Variants in ABCB1 observed in about 807,000 individuals in gnomAD.
The protein encoded by ABCB1 is ATP binding cassette subfamily B member 1, also known as ATP-dependent translocase ABCB1.
A neutral mutation model predicts 142.0 loss-of-function variants in ABCB1; 69 were observed. The ratio of observed to expected loss-of-function variants is 0.49; its 90% confidence interval spans 0.40 to 0.59. ABCB1 has a LOEUF of 0.59. Among genes scored for constraint, ABCB1 ranks in the 20% least tolerant of loss-of-function variants. The pLI is 0.00. For missense variants in ABCB1, 1,326 were observed against 1,554.7 expected (o/e 0.85, Z 2.47); for synonymous variants, 532 against 539.2 (o/e 0.99, Z 0.18).
chr7:87,669,304 T>C (rs1333631248), intron 1 of ABCB1, among the ~76,000 whole-genome samples: 1 of 152,184 alleles, frequency 6.6e-6, no homozygotes, highest in African/African-American at 2.4e-5. Flanking sequence ...AATCCCTTCT[T>C]TTTTCTGTTT....
At chr7:87,629,481 C>T (rs1820982276) in intron 1 of ABCB1, among the ~76,000 whole-genome samples, 1 of 152,136 alleles carries the variant, frequency 6.6e-6, no homozygotes, top group Admixed American at 6.5e-5. Flanking sequence ...AGCTACAGTG[C>T]TAGTGCTGGT....
chr7:87,546,050 G>A, intron 14 of ABCB1, 26 bp from the exon 15 acceptor site: 1 of 1,611,956 alleles, frequency 6.2e-7, no homozygotes, highest in Middle Eastern at 1.7e-4. Context: ...TTTGGTTTTT[G>A]AATACATTAA....
chr7:87,560,855 A>G (rs113771822), intron 8 of ABCB1, among the ~76,000 whole-genome samples: 10 of 152,158 alleles, frequency 6.6e-5, no homozygotes, highest in African/African-American at 1.9e-4. Flanking sequence ...TTATATTTTT[A>G]TCTTCCAAAT....
At chr7:87,614,346 A>T (rs990134929) in intron 1 of ABCB1, among the ~76,000 whole-genome samples, 2 of 152,154 alleles carry the variant, frequency 1.3e-5, no homozygotes, top group African/African-American at 4.8e-5. Flanking sequence ...ACAGTGAGCA[A>T]TCATGCCACT....
intron 1 of ABCB1, among the ~76,000 whole-genome samples, chr7:87,698,261 G>A (rs1007621867): frequency 4.6e-5 from 7 of 151,886 alleles, no homozygotes; most frequent in South Asian, 4.2e-4. Flanking sequence ...CACCATGCCC[G>A]GCTAATTTCT....
chr7:87,581,986 A>C (rs1375111624), intron 4 of ABCB1, among the ~76,000 whole-genome samples: 1 of 152,182 alleles, frequency 6.6e-6, no homozygotes, highest in African/African-American at 2.4e-5. Context: ...CATCTCTGGG[A>C]CAAGCATCAA....
intron 4 of ABCB1, among the ~76,000 whole-genome samples, chr7:87,580,963 T>C (rs2129900967): frequency 6.6e-6 from 1 of 152,108 alleles, no homozygotes; most frequent in Non-Finnish European, 1.5e-5. Flanking sequence ...CCAAATAGTG[T>C]GGTCGCTCAC....
intron 6 of ABCB1, 137 bp downstream of exon 6, chr7:87,566,648 T>C: frequency 1.0e-5 from 9 of 875,786 alleles, no homozygotes; most frequent in Non-Finnish European, 1.7e-5. Flanking sequence ...ACGACATTGT[T>C]GCTGCTTAGA....
chr7:87,587,740 T>C (rs966781945), intron 3 of ABCB1, among the ~76,000 whole-genome samples: 4 of 152,066 alleles, frequency 2.6e-5, no homozygotes, highest in South Asian at 2.1e-4. Context: ...CCGGATGTGG[T>C]GGCAGGCGCC....
chr7:87,603,621 C>T (rs1819545144), upstream of ABCB1, among the ~76,000 whole-genome samples: 1 of 152,234 alleles, frequency 6.6e-6, no homozygotes, highest in African/African-American at 2.4e-5. Flanking sequence ...TCCATTTCAG[C>T]CAAACTCACT....
intron 1 of ABCB1, among the ~76,000 whole-genome samples, chr7:87,695,093 T>C (rs186316877): frequency 1.3e-5 from 2 of 152,244 alleles, no homozygotes; most frequent in East Asian, 3.9e-4. Flanking sequence ...GCAATGTAAG[T>C]ACAATTGAGT....
intron 6 of ABCB1, among the ~76,000 whole-genome samples, 190 bp from the exon 7 acceptor site, chr7:87,566,431 C>T (rs1463969340): frequency 6.6e-6 from 1 of 152,150 alleles, no homozygotes; most frequent in Middle Eastern, 3.2e-3. Context: ...GCCCACATGG[C>T]CCCAGGAAAT....
chr7:87,640,389 T>C (rs1822309836), intron 1 of ABCB1, among the ~76,000 whole-genome samples: 1 of 152,088 alleles, frequency 6.6e-6, no homozygotes, highest in African/African-American at 2.4e-5. Context: ...CTTGCTGTGT[T>C]GCCCAGGCTG....
rs142024281 is a variant in ABCB1, at chr7:87,652,888, C to T, written c.-330-51810G>A. On this transcript the variant is annotated intron_variant, in intron 1 of 28. Transcript: ENST00000265724. Reference sequence around the variant, plus strand: ...TACAAATTAAAATTTTATAACTTTGCGTGTTTCTAAGATCTACTTTTCTAC... The same window carrying T: ...TACAAATTAAAATTTTATAACTTTGTGTGTTTCTAAGATCTACTTTTCTAC... 7.0e-3 allele frequency among the ~76,000 whole-genome samples: 1,061 copies of T among 151,758 alleles called. 20 individuals carry two copies. The highest frequency in any genetic ancestry group is 0.024 in the African/African-American group (983 of 41,418).
intron 1 of ABCB1, among the ~76,000 whole-genome samples, chr7:87,699,000 T>C (rs1431231324): frequency 6.6e-6 from 1 of 152,186 alleles, no homozygotes; most frequent in Non-Finnish European, 1.5e-5. Flanking sequence ...TGCTTACATC[T>C]TCCCCTAAAG....
At chr7:87,623,781 C>T (rs1820311615) in intron 1 of ABCB1, among the ~76,000 whole-genome samples, 1 of 151,972 alleles carries the variant, frequency 6.6e-6, no homozygotes, top group East Asian at 1.9e-4. Context: ...ACTAACCTTT[C>T]CCTCCCAGTA....
intron 1 of ABCB1, chr7:87,713,108 A>G (rs1006064537): frequency 2.0e-5 from 3 of 152,204 alleles, no homozygotes; most frequent in Non-Finnish European, 4.4e-5. Flanking sequence ...AAATATATTC[A>G]TAAGATTAGA....
chr7:87,692,622 G>T (rs1279205648), intron 1 of ABCB1, among the ~76,000 whole-genome samples: 1 of 152,118 alleles, frequency 6.6e-6, no homozygotes, highest in Non-Finnish European at 1.5e-5. Context: ...GATTTTCATG[G>T]AAATTGTTTT....
intron 1 of ABCB1, among the ~76,000 whole-genome samples, chr7:87,649,066 T>C (rs1416125619): frequency 6.6e-6 from 1 of 152,200 alleles, no homozygotes; most frequent in Non-Finnish European, 1.5e-5. Flanking sequence ...TTCTAATTCT[T>C]TAACAGCTCC....
Sources: gnomAD v4.1 joint callset for allele counts (sites outside exome capture counted in the v4.1 genomes callset) on GRCh38, gnomAD v4.1.1 for gene constraint, MANE v1.5 for transcripts, NCBI Gene and HGNC (gene_info 2026-07-23, HGNC 2026-07-21) for gene names.